Variants in VPS50 observed in about 807,000 individuals in gnomAD.
VPS50 encodes the protein VPS50 subunit of EARP/GARPII complex.
VPS50 carries 70 observed loss-of-function variants against 139.7 expected under a neutral mutation model. The observed-to-expected ratio is 0.50, with a 90% CI of 0.41 to 0.61. The LOEUF is 0.61. Ranked by LOEUF, VPS50 falls within the 20% of genes least tolerant of loss-of-function variation. The probability of loss-of-function intolerance (pLI) is 0.00; values close to 1 mark genes in which losing one functional copy is unlikely to be tolerated. For synonymous variants in VPS50, 365 were observed against 376.7 expected (o/e 0.97, Z 0.36); for missense variants, 921 against 1,133.7 (o/e 0.81, Z 2.69).
intron 23 of VPS50, among the ~76,000 whole-genome samples, chr7:93,344,604 A>G (rs530401693): frequency 6.6e-6 from 1 of 152,040 alleles, no homozygotes; most frequent in African/African-American, 2.4e-5. Context: ...CAGCAAATGT[A>G]AAAGAACAGA....
intron 26 of VPS50, 118 bp downstream of exon 26, chr7:93,353,879 T>C: frequency 2.5e-6 from 2 of 805,282 alleles, no homozygotes; most frequent in South Asian, 4.1e-5. Flanking sequence ...AGCAGACAAG[T>C]TTGGGATATA....
intron 9 of VPS50, among the ~76,000 whole-genome samples, chr7:93,261,942 C>A (rs1795698509): frequency 6.6e-6 from 1 of 152,106 alleles, no homozygotes; most frequent in African/African-American, 2.4e-5. Context: ...ACAAAGAAGT[C>A]ATAGTTGACC....
chr7:93,341,973 G>C (rs1420204599), intron 23 of VPS50, among the ~76,000 whole-genome samples: 1 of 152,192 alleles, frequency 6.6e-6, no homozygotes, highest in Admixed American at 6.5e-5. Context: ...CTGGGGAGAA[G>C]CCAAGATGGC....
At chr7:93,277,867 T>A (rs145887246) in intron 12 of VPS50, among the ~76,000 whole-genome samples, 1 of 152,208 alleles carries the variant, frequency 6.6e-6, no homozygotes, top group Admixed American at 6.5e-5. Flanking sequence ...TTTGATAGTA[T>A]ATATTATAAA....
chr7:93,324,230 C>T (rs562611336), intron 21 of VPS50, among the ~76,000 whole-genome samples: 7 of 152,322 alleles, frequency 4.6e-5, no homozygotes, highest in Non-Finnish European at 1.0e-4. Context: ...ATGTCATCTG[C>T]AAACAGGGAC....
chr7:93,252,687 A>C lies in VPS50; in HGVS notation c.137A>C (p.Asp46Ala). ...AGGGAACTTCGAGAACAGCCAAGTGACCCTCAAGCTGAACAAGAGCTTATT... is the reference window on the plus strand; with the variant it reads ...AGGGAACTTCGAGAACAGCCAAGTGCCCCTCAAGCTGAACAAGAGCTTATT... ...EFRELREQPS[D>A]PQAEQELINS... Residue 46 changes from aspartate to alanine, a missense_variant, in exon 3 of 28, where the codon GAC becomes GCC. By Grantham distance (126) the Asp-to-Ala change is moderately radical. Transcript: ENST00000305866. 6.2e-7 allele frequency: 1 copy of C among 1,602,552 alleles called. No individual in the cohort carries two copies. The highest frequency in any genetic ancestry group is 8.5e-7 in the Non-Finnish European group (1 of 1,172,066).
chr7:93,299,424 G>A (rs1796911093), intron 16 of VPS50, among the ~76,000 whole-genome samples: 1 of 152,070 alleles, frequency 6.6e-6, no homozygotes, highest in African/African-American at 2.4e-5. Context: ...TATGAAACAT[G>A]GTGAAATATA....
intron 23 of VPS50, among the ~76,000 whole-genome samples, 173 bp downstream of exon 23, chr7:93,341,748 C>T (rs1798217381): frequency 6.6e-6 from 1 of 152,170 alleles, no homozygotes; most frequent in African/African-American, 2.4e-5. Context: ...TTTTAAACTG[C>T]ATGGTTGGTT....
intron 9 of VPS50, among the ~76,000 whole-genome samples, chr7:93,260,630 A>C (rs55913466): frequency 6.9e-6 from 1 of 145,322 alleles, no homozygotes; most frequent in Non-Finnish European, 1.5e-5. Context: ...TTAAGTCTCT[A>C]TGGTTTTTTT....
At position 93,351,008 on chromosome 7, in the gene VPS50, T is replaced by C. The variant is rs1416447608; in HGVS notation, c.2463+975T>C. ...AGAGCCTAGGACAGCTGAGAACCAA[T>C]GAACAGAGCCATAGATTTAAAATAG... On this transcript the variant is annotated intron_variant, in intron 25 of 27. Transcript: ENST00000305866. 2.6e-5 allele frequency among the ~76,000 whole-genome samples: 4 copies of C among 152,268 alleles called. No homozygotes were observed. In the South Asian group the frequency reaches 8.3e-4, roughly 32 times the overall value.
rs979989645 is a variant in VPS50, at chr7:93,253,978, A to G, written c.297+47A>G. The G allele has an allele frequency of 1.1e-5, 11 of 1,001,566 alleles. No homozygotes were observed. The African/African-American group carries it at 1.8e-4, about 16-fold the overall frequency. 62.0% of individuals were successfully genotyped at this position (1,001,566 alleles called of 1,614,324 possible). A position where few individuals can be genotyped will look rare whatever the true frequency, so the allele number is the denominator to read the frequency against. On this transcript the variant is annotated intron_variant, in intron 4 of 27. Transcript: ENST00000305866. The stretch of plus-strand genomic sequence containing the variant: ...TTCTTTCTGGCAAAACTCTAGATGA[A>G]ACACAACAGAGAGGTATAATGTTTG...
intron 18 of VPS50, among the ~76,000 whole-genome samples, chr7:93,307,096 A>G (rs1239851562): frequency 6.6e-6 from 1 of 151,930 alleles, no homozygotes; most frequent in Non-Finnish European, 1.5e-5. Flanking sequence ...TATTTGCAGC[A>G]GTGTGTTCTA....
intron 18 of VPS50, among the ~76,000 whole-genome samples, chr7:93,308,515 A>G (rs1199308386): frequency 6.6e-6 from 1 of 151,158 alleles, no homozygotes; most frequent in Non-Finnish European, 1.5e-5. Flanking sequence ...AGACTTTAAG[A>G]AAAAAAAATG....
chr7:93,239,950 T>C lies in VPS50; in HGVS notation c.102+16T>C. The stretch of plus-strand genomic sequence containing the variant: ...CCCTGGAAAGGTATTGAGCTACACG[T>C]GTGAGCGTGACTTTTTACTTCCTTA... On this transcript the variant is annotated intron_variant, in intron 2 of 27. Coordinates refer to ENST00000305866, the MANE Select transcript of VPS50 (RefSeq NM_017667.4). 6.7e-7 allele frequency: 1 copy of C among 1,496,692 alleles called. No individual in the cohort carries two copies. Among genetic ancestry groups the C allele is most frequent in the Non-Finnish European group, 9.3e-7 (1 of 1,075,068 alleles). The allele number at this position is 1,496,692 out of a possible 1,614,324, so 92.7% of individuals were successfully genotyped here.
chr7:93,246,128 T>C (rs770523851), intron 2 of VPS50: 22 of 1,516,618 alleles, frequency 1.5e-5, no homozygotes, highest in Admixed American at 2.0e-5. Flanking sequence ...ATGTTAACTT[T>C]GGTAAGATTA....
Position 93,238,507 on chromosome 7 carries a change from C to T in VPS50, c.34-1359C>T, listed in dbSNP as rs184042835. Among the ~76,000 whole-genome samples the T allele has an allele frequency of 5.3e-5, 8 of 152,228 alleles. No individual in the cohort carries two copies. The East Asian group carries it at 1.5e-3, about 29-fold the overall frequency. ...CAAATAGGACTTTGTCTCTCCCTTT[C>T]CTTAGGACTTAAAGTTTGGAAGAGA... is the stretch of plus-strand genomic sequence containing the variant. On this transcript the variant is annotated intron_variant, in intron 1 of 27. Transcript: ENST00000305866.
At chr7:93,314,241 G>C (rs76167329) in intron 20 of VPS50, among the ~76,000 whole-genome samples, 2,393 of 152,144 alleles carry the variant, frequency 0.016, 78 homozygotes, top group African/African-American at 0.055. Context: ...ACTAATTATT[G>C]AGTATTTGGG....
chr7:93,339,865 C>T (rs1798165531), intron 22 of VPS50, among the ~76,000 whole-genome samples: 1 of 152,180 alleles, frequency 6.6e-6, no homozygotes, highest in South Asian at 2.1e-4. Flanking sequence ...TGAGCTATTG[C>T]TTAACTTACA....
At chr7:93,293,621 A>G (rs1391723109) in intron 13 of VPS50, among the ~76,000 whole-genome samples, 2 of 152,224 alleles carry the variant, frequency 1.3e-5, no homozygotes, top group Non-Finnish European at 2.9e-5. Context: ...ATGGAACTTC[A>G]TAAAACTGAA....
Sources: allele counts gnomAD v4.1 joint callset (sites outside exome capture counted in the v4.1 genomes callset), GRCh38; gene constraint gnomAD v4.1.1; transcripts MANE v1.5; gene names NCBI Gene and HGNC (gene_info 2026-07-23, HGNC 2026-07-21).